The following KASH5 variants were observed in gnomAD, a reference collection of about 807,000 sequenced individuals.
KASH5 encodes the protein KASH domain containing 5, also known as protein KASH5.
KASH5 carries 72 observed loss-of-function variants against 84.2 expected under a neutral mutation model. The ratio of observed to expected loss-of-function variants is 0.85; its 90% confidence interval spans 0.71 to 1.04. KASH5 has a LOEUF of 1.04. Among genes scored for constraint, KASH5 ranks in the 50% least tolerant of loss-of-function variants. The pLI is 0.00. For synonymous variants in KASH5, 260 were observed against 279.1 expected, an observed-to-expected ratio of 0.93 and a Z score of 0.68; for missense variants, 650 against 701.0, an observed-to-expected ratio of 0.93 and a Z score of 0.82.
chr19:49,404,809 C>T (rs1035806232), intron 9 of KASH5, among the ~76,000 whole-genome samples: 18 of 152,150 alleles, frequency 1.2e-4, no homozygotes, highest in African/African-American at 4.3e-4. Context: ...CTGAATGGCA[C>T]AATTTGATAT....
In KASH5 at chr19:49,398,063, G is replaced by A; in HGVS notation, c.549G>A (p.Leu183=). 4 of 1,613,744 alleles carry A rather than the reference G, an allele frequency of 2.5e-6. No homozygotes were observed. Among genetic ancestry groups the A allele is most frequent in the Non-Finnish European group, 3.4e-6 (4 of 1,179,728 alleles). ...GTCTGGTTGGGGAGAATGCCAAATT[G>A]CAGCGGAGCATGGAGACAGCTGAGG... ...NRRLVGENAK[L]QRSMETAEEG... The change falls in exon 7 of 20, where the codon TTG becomes TTA. Residue 183 remains leucine (L), a synonymous_variant. Coordinates refer to ENST00000447857, the MANE Select transcript of KASH5 (RefSeq NM_144688.5).
In KASH5 at chr19:49,395,332, C is replaced by A; in HGVS notation, c.335+40C>A. 6.3e-7 allele frequency: 1 copy of A among 1,597,802 alleles called. No homozygotes were observed. Among genetic ancestry groups the A allele is most frequent in the Non-Finnish European group, 8.5e-7 (1 of 1,171,588 alleles). Reference sequence around the variant, plus strand: ...CTTCATCCTCCTCTGGGAAGTCCTTCCTAAGATCTAACCTCATACCTGCTT... The same window carrying A: ...CTTCATCCTCCTCTGGGAAGTCCTTACTAAGATCTAACCTCATACCTGCTT... On this transcript the variant is annotated intron_variant, in intron 4 of 19. Coordinates refer to ENST00000447857, the MANE Select transcript of KASH5 (RefSeq NM_144688.5). The surrounding 1 kb of genome is among the most constrained non-coding windows in gnomAD (Gnocchi z 4.4).
intron 16 of KASH5, among the ~76,000 whole-genome samples, chr19:49,413,689 T>A (rs986366544): frequency 6.6e-6 from 1 of 151,794 alleles, no homozygotes; most frequent in Non-Finnish European, 1.5e-5. Flanking sequence ...GTAGTGGAAG[T>A]GGGGGAGGCA....
chr19:49,397,228 C>T (rs1974210335), intron 5 of KASH5, among the ~76,000 whole-genome samples: 1 of 151,846 alleles, frequency 6.6e-6, no homozygotes, highest in Non-Finnish European at 1.5e-5. Context: ...TGGTGAGGAT[C>T]CAAGAGGAGA....
At chr19:49,411,996 G>T (rs1974736048) in intron 15 of KASH5, among the ~76,000 whole-genome samples, 1 of 151,748 alleles carries the variant, frequency 6.6e-6, no homozygotes, top group Non-Finnish European at 1.5e-5. Context: ...AGCCTTTGAG[G>T]CACTAGCACA....
Position 49,395,629 on chromosome 19 carries a change from C to A in KASH5, c.336-140C>A. ...CCATCTGGCCACGGGCACTTGCCATCTGGCCTCACCCTCCTACCCTGTGGT... is the reference window on the plus strand; with the variant it reads ...CCATCTGGCCACGGGCACTTGCCATATGGCCTCACCCTCCTACCCTGTGGT... On this transcript the variant is annotated intron_variant, in intron 4 of 19. Coordinates refer to ENST00000447857, the MANE Select transcript of KASH5 (RefSeq NM_144688.5). The surrounding 1 kb of genome is among the most constrained non-coding windows in gnomAD (Gnocchi z 4.4). The A allele has an allele frequency of 1.2e-6, 1 of 816,912 alleles. No individual in the cohort carries two copies. Among genetic ancestry groups the A allele is most frequent in the Non-Finnish European group, 2.0e-6 (1 of 511,708 alleles). 50.6% of individuals were successfully genotyped at this position (816,912 alleles called of 1,614,324 possible).
chr19:49,404,088 G>T (rs1053413788), intron 9 of KASH5, among the ~76,000 whole-genome samples: 4 of 152,222 alleles, frequency 2.6e-5, no homozygotes, highest in Non-Finnish European at 5.9e-5. Flanking sequence ...TCCCTACCAG[G>T]TGGACAGATG....
chr19:49,417,535 A>C lies in KASH5; in HGVS notation c.*25A>C, dbSNP rs1974952570. 1 of 1,507,296 alleles carries C rather than the reference A, an allele frequency of 6.6e-7. No homozygotes were observed. The highest frequency in any genetic ancestry group is 1.4e-5 in the African/African-American group (1 of 72,108). 93.4% of individuals were successfully genotyped at this position (1,507,296 alleles called of 1,614,324 possible). A position where few individuals can be genotyped will look rare whatever the true frequency, so the allele number is the denominator to read the frequency against. On this transcript the variant is annotated 3_prime_UTR_variant, in exon 20 of 20. Coordinates refer to ENST00000447857, the MANE Select transcript of KASH5 (RefSeq NM_144688.5). This position sits in a 1 kb window ranked among gnomAD's most constrained non-coding sequence, Gnocchi z 5.2. ...AGAGGCTCTACTTGCCCCTCAGAGCAGTGTCTAGCTCAATAAATCCCCTGG... is the reference window on the plus strand; with the variant it reads ...AGAGGCTCTACTTGCCCCTCAGAGCCGTGTCTAGCTCAATAAATCCCCTGG...
At chr19:49,394,691 T>C (rs1974117387) in intron 3 of KASH5, 111 bp downstream of exon 3, 1 of 803,208 alleles carries the variant, frequency 1.2e-6, no homozygotes, top group Non-Finnish European at 2.1e-6. Flanking sequence ...CTTGGGGGTA[T>C]TGTAAGAACA....
intron 9 of KASH5, among the ~76,000 whole-genome samples, chr19:49,400,194 T>C (rs2122143806): frequency 6.8e-6 from 1 of 146,886 alleles, no homozygotes; most frequent in South Asian, 2.2e-4. Context: ...CATCATGGCA[T>C]TCCAGCCTGG....
At chr19:49,398,958 G>T in intron 7 of KASH5, 67 bp from the exon 8 acceptor site, 1 of 1,228,550 alleles carries the variant, frequency 8.1e-7, no homozygotes, top group South Asian at 1.3e-5. Context: ...TCTCAGAATG[G>T]ATCTGTCTCT....
At chr19:49,392,878 C>G (rs918699121) in intron 2 of KASH5, among the ~76,000 whole-genome samples, 9 of 151,376 alleles carry the variant, frequency 5.9e-5, no homozygotes, top group African/African-American at 2.2e-4. Flanking sequence ...CGCTACTGCA[C>G]TCCAGCCTGG....
At chr19:49,406,267 G>A (rs1974523385) in intron 9 of KASH5, among the ~76,000 whole-genome samples, 1 of 152,012 alleles carries the variant, frequency 6.6e-6, no homozygotes, top group Non-Finnish European at 1.5e-5. Context: ...TTAAAATTGG[G>A]GATAAGAAAT....
chr19:49,395,627 A>G lies in KASH5; in HGVS notation c.336-142A>G, dbSNP rs1198931311. 20 of 806,548 alleles carry G rather than the reference A, an allele frequency of 2.5e-5. No homozygotes were observed. Among genetic ancestry groups the G allele is most frequent in the Middle Eastern group, 7.2e-4 (2 of 2,792 alleles). 50.0% of individuals were successfully genotyped at this position (806,548 alleles called of 1,614,324 possible). On this transcript the variant is annotated intron_variant, in intron 4 of 19. Coordinates refer to ENST00000447857, the MANE Select transcript of KASH5 (RefSeq NM_144688.5). This position sits in a 1 kb window ranked among gnomAD's most constrained non-coding sequence, Gnocchi z 4.4. ...TTCCATCTGGCCACGGGCACTTGCC[A>G]TCTGGCCTCACCCTCCTACCCTGTG...
At chr19:49,413,709 C>G (rs1185392092) in intron 16 of KASH5, among the ~76,000 whole-genome samples, 1 of 152,058 alleles carries the variant, frequency 6.6e-6, no homozygotes, top group Non-Finnish European at 1.5e-5. Context: ...AGGTGCCATG[C>G]GAGTTTCCAG....
In KASH5 at chr19:49,395,586, C is replaced by A; in HGVS notation, c.336-183C>A. The A allele has an allele frequency of 1.5e-6, 1 of 657,246 alleles. No homozygotes were observed. The highest frequency in any genetic ancestry group is 2.6e-6 in the Non-Finnish European group (1 of 378,608). 40.7% of individuals were successfully genotyped at this position (657,246 alleles called of 1,614,324 possible). On this transcript the variant is annotated intron_variant, in intron 4 of 19. Coordinates refer to ENST00000447857, the MANE Select transcript of KASH5 (RefSeq NM_144688.5). The surrounding 1 kb of genome is among the most constrained non-coding windows in gnomAD (Gnocchi z 4.4). ...CCCCAACCCTTCACCAAACCCACTC[C>A]TTGCCCCTCCTGCTTTTCCATCTGG...
At position 49,409,278 on chromosome 19, in the gene KASH5, C is replaced by G; in HGVS notation, c.1141C>G (p.Arg381Gly). ...PSLGLEIEAI[R>G]QKQEVATADL... is the part of the protein sequence containing the mutation. ...GCTGGGCTTGGAGATCGAGGCCATTCGACAGGTGGGCCTAACACCCCTGGA... is the reference window on the plus strand; with the variant it reads ...GCTGGGCTTGGAGATCGAGGCCATTGGACAGGTGGGCCTAACACCCCTGGA... The change falls in exon 14 of 20, where the codon CGA becomes GGA. Residue 381 changes from arginine to glycine, a missense_variant. By Grantham distance (125) the Arg-to-Gly change is moderately radical (BLOSUM62 -2). Transcript: ENST00000447857. 1 of 1,613,670 alleles carries G rather than the reference C, an allele frequency of 6.2e-7. No individual in the cohort carries two copies. The highest frequency in any genetic ancestry group is 8.5e-7 in the Non-Finnish European group (1 of 1,179,798).
intron 5 of KASH5, among the ~76,000 whole-genome samples, chr19:49,396,968 C>A (rs113109900): frequency 5.3e-5 from 8 of 151,584 alleles, no homozygotes; most frequent in Non-Finnish European, 1.0e-4. Context: ...TCAGGAGGAT[C>A]GCTTGAGCCT....
chr19:49,399,169 T>A lies in KASH5; in HGVS notation c.747+27T>A. Reference sequence around the variant, plus strand: ...TGGGTCTGGCCCAGGGGAAGGAAGGTGCCCTCTCTCTTCTTTGTTTCCTGG... The same window carrying A: ...TGGGTCTGGCCCAGGGGAAGGAAGGAGCCCTCTCTCTTCTTTGTTTCCTGG... On this transcript the variant is annotated intron_variant, in intron 8 of 19. Coordinates refer to ENST00000447857, the MANE Select transcript of KASH5 (RefSeq NM_144688.5). This position sits in a 1 kb window ranked among gnomAD's most constrained non-coding sequence, Gnocchi z 4.4. 6.6e-7 allele frequency: 1 copy of A among 1,522,076 alleles called. No individual in the cohort carries two copies. Among genetic ancestry groups the A allele is most frequent in the Non-Finnish European group, 8.9e-7 (1 of 1,129,038 alleles). The allele number at this position is 1,522,076 out of a possible 1,614,324, so 94.3% of individuals were successfully genotyped here.
Sources: allele counts gnomAD v4.1 joint callset (sites outside exome capture counted in the v4.1 genomes callset), GRCh38; gene constraint gnomAD v4.1.1; non-coding constraint Gnocchi (gnomAD v3.1); transcripts MANE v1.5; gene names NCBI Gene and HGNC (gene_info 2026-07-23, HGNC 2026-07-21).